Variants in MGAT5 observed in about 807,000 individuals in gnomAD.
MGAT5 encodes the protein alpha-1,6-mannosylglycoprotein 6-beta-N-acetylglucosaminyltransferase A.
In MGAT5, 30 loss-of-function variants were observed where a neutral mutation model predicts 94.3. The observed-to-expected ratio is 0.32, with a 90% CI of 0.24 to 0.43. MGAT5 has a LOEUF of 0.43. Ranked by LOEUF, MGAT5 falls within the 20% of genes least tolerant of loss-of-function variation. The probability of loss-of-function intolerance (pLI) is 1.00; values close to 1 mark genes in which losing one functional copy is unlikely to be tolerated. For synonymous variants in MGAT5, 310 were observed against 322.9 expected (o/e 0.96, Z 0.43); for missense variants, 691 against 905.5 (o/e 0.76, Z 3.04).
intron 10 of MGAT5, among the ~76,000 whole-genome samples, chr2:134,385,805 G>T (rs539031690): frequency 6.6e-6 from 1 of 152,308 alleles, no homozygotes; most frequent in Admixed American, 6.5e-5. Context: ...GGGTATTTTT[G>T]GGAGGAGGAA....
chr2:134,191,845 C>G (rs1000479847), intron 1 of MGAT5, among the ~76,000 whole-genome samples: 6 of 149,202 alleles, frequency 4.0e-5, no homozygotes, highest in African/African-American at 7.4e-5. Flanking sequence ...TCGCGCCCTC[C>G]TCCTCCTGCT....
chr2:134,386,066 G>A (rs1157190192), intron 10 of MGAT5, among the ~76,000 whole-genome samples: 2 of 152,234 alleles, frequency 1.3e-5, no homozygotes, highest in East Asian at 1.9e-4. Flanking sequence ...TTTTGATCCG[G>A]TGACAAATTC....
intron 11 of MGAT5, among the ~76,000 whole-genome samples, chr2:134,411,397 G>C (rs1683650658): frequency 6.6e-6 from 1 of 152,120 alleles, no homozygotes; most frequent in African/African-American, 2.4e-5. Flanking sequence ...GGCCTCTAAA[G>C]CTTCTTTTCT....
chr2:134,415,155 G>A (rs909788253), intron 12 of MGAT5, among the ~76,000 whole-genome samples: 1 of 152,184 alleles, frequency 6.6e-6, no homozygotes, highest in East Asian at 1.9e-4. Context: ...GCTGGATTAT[G>A]TGGAGTTCTA....
rs1002674897 is a variant in MGAT5 at position 134,450,300 on chromosome 2, A to G, written c.*1453A>G. On this transcript the variant is annotated 3_prime_UTR_variant, in exon 16 of 16. Transcript: ENST00000281923. ...CTCTGCTGGGCGCCTCAGTCGCTCA[A>G]TGATGTGCTCTGTGCCGGGGCTTCC... is the stretch of plus-strand genomic sequence containing the variant. 4 of 152,198 alleles carry G rather than the reference A, an allele frequency of 2.6e-5. No individual in the cohort carries two copies. Among genetic ancestry groups the G allele is most frequent in the East Asian group, 1.9e-4 (1 of 5,160 alleles). 9.4% of individuals were successfully genotyped at this position (152,198 alleles called of 1,614,324 possible). A position where few individuals can be genotyped will look rare whatever the true frequency, so the allele number is the denominator to read the frequency against.
intron 1 of MGAT5, among the ~76,000 whole-genome samples, chr2:134,165,684 A>G (rs1687936604): frequency 1.3e-5 from 2 of 152,094 alleles, no homozygotes; most frequent in African/African-American, 4.8e-5. Context: ...CTGAGGCAGG[A>G]GAATGGCGTG....
At chr2:134,172,765 C>G (rs1265239272) in intron 1 of MGAT5, among the ~76,000 whole-genome samples, 2 of 152,198 alleles carry the variant, frequency 1.3e-5, no homozygotes, top group Admixed American at 1.3e-4. Flanking sequence ...GAGAAGTTAG[C>G]TTGGTAAATC....
chr2:134,233,341 C>T (rs1437404355), intron 1 of MGAT5, among the ~76,000 whole-genome samples: 1 of 152,102 alleles, frequency 6.6e-6, no homozygotes, highest in Non-Finnish European at 1.5e-5. Flanking sequence ...TAGGTGCTGA[C>T]CCAGAAAATT....
intron 1 of MGAT5, among the ~76,000 whole-genome samples, chr2:134,183,031 C>G (rs1558974486): frequency 6.6e-6 from 1 of 152,052 alleles, no homozygotes; most frequent in South Asian, 2.1e-4. Flanking sequence ...ACCTCGTGAT[C>G]CACCCGCCTC....
chr2:134,140,523 G>A (rs770870757), intron 1 of MGAT5, among the ~76,000 whole-genome samples: 2 of 152,168 alleles, frequency 1.3e-5, no homozygotes, highest in Non-Finnish European at 2.9e-5. Context: ...CTTTAATGCC[G>A]AGCCAATGAG....
At position 134,381,386 on chromosome 2, in the gene MGAT5, A is replaced by ATAAGATAAGATAAGATAGAT. The variant is rs1558841756; in HGVS notation, c.1380+18980_1380+18981insAGATAAGATAAGATAGATTA. ...AGATAGATAAGATAAGATAGATTAG[A>ATAAGATAAGATAAGATAGAT]TAGATAGATAGATAGATAGATAGAT... On this transcript the variant is annotated intron_variant, in intron 10 of 15. Transcript: ENST00000281923. Among the ~76,000 whole-genome samples, 89 of 95,312 alleles carry ATAAGATAAGATAAGATAGAT rather than the reference A, an allele frequency of 9.3e-4. 2 individuals carry two copies. The Middle Eastern group carries it at 0.015, about 17-fold the overall frequency. 62.5% of individuals were successfully genotyped at this position (95,312 alleles called of 152,430 possible). A position where few individuals can be genotyped will look rare whatever the true frequency, so the allele number is the denominator to read the frequency against.
intron 4 of MGAT5, among the ~76,000 whole-genome samples, chr2:134,332,728 A>C (rs1211196093): frequency 1.3e-5 from 2 of 152,210 alleles, no homozygotes; most frequent in Non-Finnish European, 2.9e-5. Context: ...CAATGAACTC[A>C]AACAAATTTA....
chr2:134,436,016 A>G (rs979082965), intron 14 of MGAT5, among the ~76,000 whole-genome samples: 11 of 152,258 alleles, frequency 7.2e-5, no homozygotes, highest in African/African-American at 2.7e-4. Context: ...GAATTATCAT[A>G]TGTAATCAGC....
At chr2:134,171,230 G>A (rs1688193130) in intron 1 of MGAT5, among the ~76,000 whole-genome samples, 1 of 152,098 alleles carries the variant, frequency 6.6e-6, no homozygotes. Context: ...ACAGCTACAA[G>A]GAATCTATTT....
chr2:134,296,462 T>G (rs1235938005), intron 2 of MGAT5, among the ~76,000 whole-genome samples: 1 of 152,174 alleles, frequency 6.6e-6, no homozygotes, highest in African/African-American at 2.4e-5. Context: ...TCTTTTTTTT[T>G]CCTTTGTAGC....
intron 1 of MGAT5, among the ~76,000 whole-genome samples, chr2:134,221,552 A>C (rs1409537207): frequency 6.6e-6 from 1 of 152,216 alleles, no homozygotes; most frequent in Non-Finnish European, 1.5e-5. Context: ...CTCCTGGGAA[A>C]GAAGGAAGGA....
intron 1 of MGAT5, among the ~76,000 whole-genome samples, chr2:134,203,141 A>G (rs1573857019): frequency 6.6e-6 from 1 of 152,214 alleles, no homozygotes. Flanking sequence ...CTCATTATAC[A>G]TGGTAGTTGT....
intron 4 of MGAT5, among the ~76,000 whole-genome samples, chr2:134,330,054 G>C (rs570216310): frequency 6.6e-6 from 1 of 152,210 alleles, no homozygotes; most frequent in South Asian, 2.1e-4. Context: ...ACAAATGTGT[G>C]TATGTTTATG....
intron 1 of MGAT5, among the ~76,000 whole-genome samples, chr2:134,225,462 C>T (rs1027009979): frequency 2.0e-5 from 3 of 152,114 alleles, no homozygotes; most frequent in African/African-American, 4.8e-5. Context: ...GTGTTGTGGG[C>T]ATGGTCTTGC....
Sources: allele counts gnomAD v4.1 joint callset (sites outside exome capture counted in the v4.1 genomes callset), GRCh38; gene constraint gnomAD v4.1.1; transcripts MANE v1.5; gene names NCBI Gene and HGNC (gene_info 2026-07-23, HGNC 2026-07-21).